LHPP: variants seen among roughly 807,000 people sequenced by gnomAD.
LHPP encodes the protein phospholysine phosphohistidine inorganic pyrophosphate phosphatase.
A neutral mutation model predicts 30.3 loss-of-function variants in LHPP; 24 were observed. That is an observed-to-expected ratio of 0.79 (90% CI 0.57 to 1.11). The LOEUF is 1.11. LHPP is among the 50% of genes most tolerant of loss of function. LHPP has a pLI of 0.00. For missense variants in LHPP, 356 were observed against 367.2 expected (o/e 0.97, Z 0.25); for synonymous variants, 150 against 157.1 (o/e 0.95, Z 0.34).
Position 124,566,764 on chromosome 10 carries a change from G to A in LHPP, c.717-46500G>A, listed in dbSNP as rs578097672. 4.6e-5 allele frequency among the ~76,000 whole-genome samples: 7 copies of A among 152,246 alleles called. No homozygotes were observed. In the South Asian group the frequency reaches 1.5e-3, roughly 32 times the overall value. On this transcript the variant is annotated intron_variant, in intron 6 of 6. Coordinates refer to ENST00000368842, the MANE Select transcript of LHPP (RefSeq NM_022126.4). ...TCGGGGGCACCTGAGACAGAGGGAG[G>A]AGGCTGAGAGTCTGAGGGGGCAGCC... is the stretch of plus-strand genomic sequence containing the variant.
At chr10:124,595,740 C>T (rs929653791) in intron 6 of LHPP, among the ~76,000 whole-genome samples, 24 of 152,136 alleles carry the variant, frequency 1.6e-4, no homozygotes, top group South Asian at 2.1e-4. Flanking sequence ...TGCATCTGTC[C>T]CAGTACAAAT....
chr10:124,461,993 T>C lies in LHPP; in HGVS notation c.125+6T>C. ...TCGGTGGAGGCGGTGGCCAGGTGAG[T>C]GGGCCCCGGGACGCCGCTGGGGCCG... On this transcript the variant is annotated splice_donor_region_variant and intron_variant, in intron 1 of 6. Transcript: ENST00000368842. The C allele has an allele frequency of 1.7e-6, 2 of 1,211,236 alleles. No individual in the cohort carries two copies. The highest frequency in any genetic ancestry group is 4.1e-5 in the South Asian group (1 of 24,136). 75.0% of individuals were successfully genotyped at this position (1,211,236 alleles called of 1,614,324 possible).
chr10:124,505,081 T>G (rs1050987815), intron 5 of LHPP, among the ~76,000 whole-genome samples: 9 of 152,048 alleles, frequency 5.9e-5, no homozygotes, highest in Non-Finnish European at 1.5e-5. Flanking sequence ...ATCATCATCC[T>G]CTCCTACCCT....
intron 6 of LHPP, among the ~76,000 whole-genome samples, chr10:124,609,312 G>A (rs575073802): frequency 9.9e-5 from 15 of 152,122 alleles, no homozygotes; most frequent in South Asian, 8.3e-4. Flanking sequence ...GTGTGATCAC[G>A]GCTCACCACA....
At chr10:124,579,675 C>T (rs11245303) in intron 6 of LHPP, among the ~76,000 whole-genome samples, 13,802 of 152,224 alleles carry the variant, frequency 0.091, 747 homozygotes, top group Admixed American at 0.15. Flanking sequence ...GTTAAATATA[C>T]ATATTTCCAG....
intron 6 of LHPP, among the ~76,000 whole-genome samples, chr10:124,589,531 G>A (rs758938851): frequency 1.3e-5 from 2 of 152,190 alleles, no homozygotes; most frequent in East Asian, 1.9e-4. Context: ...AGGTGGCCAT[G>A]GGGCTCAGCA....
chr10:124,465,858 C>A (rs941005159), intron 1 of LHPP, among the ~76,000 whole-genome samples: 8 of 152,238 alleles, frequency 5.3e-5, no homozygotes, highest in Admixed American at 2.6e-4. Flanking sequence ...CCACTGCGCC[C>A]AGCCTGAGAA....
Position 124,496,091 on chromosome 10 carries a change from A to G in LHPP, c.468-870A>G, listed in dbSNP as rs1299882921. ...GAAACTGATGTGATGGTGGATGGCA[A>G]AACATTTTAGTGGTTCCAAGAATCA... On this transcript the variant is annotated intron_variant, in intron 3 of 6. Coordinates refer to ENST00000368842, the MANE Select transcript of LHPP (RefSeq NM_022126.4). The surrounding 1 kb of genome is among the most constrained non-coding windows in gnomAD (Gnocchi z 4.3). 2.6e-5 allele frequency among the ~76,000 whole-genome samples: 4 copies of G among 152,106 alleles called. No individual in the cohort carries two copies. Among genetic ancestry groups the G allele is most frequent in the African/African-American group, 7.2e-5 (3 of 41,586 alleles).
In LHPP at chr10:124,541,536, A is replaced by G. The variant is rs1455988388; in HGVS notation, c.716+24265A>G. Among the ~76,000 whole-genome samples, 1 of 151,962 alleles carries G rather than the reference A, an allele frequency of 6.6e-6. No homozygotes were observed. The highest frequency in any genetic ancestry group is 1.5e-5 in the Non-Finnish European group (1 of 67,980). On this transcript the variant is annotated intron_variant, in intron 6 of 6. Transcript: ENST00000368842. This position sits in a 1 kb window ranked among gnomAD's most constrained non-coding sequence, Gnocchi z 4.2. ...CACCTGGGCGTTTGGTGTCCCTAGCATATCTCGAATGGCAGGCTGAGGCTC... is the reference window on the plus strand; with the variant it reads ...CACCTGGGCGTTTGGTGTCCCTAGCGTATCTCGAATGGCAGGCTGAGGCTC...
chr10:124,585,045 A>G (rs1362672510), intron 6 of LHPP, among the ~76,000 whole-genome samples: 1 of 152,214 alleles, frequency 6.6e-6, no homozygotes, highest in Non-Finnish European at 1.5e-5. Context: ...CCCATCCCCA[A>G]GATATCTCAT....
intron 6 of LHPP, among the ~76,000 whole-genome samples, chr10:124,524,957 T>C (rs1360472022): frequency 2.0e-5 from 3 of 152,216 alleles, no homozygotes; most frequent in African/African-American, 7.2e-5. Context: ...GCAAACACTC[T>C]AAGGTCAAGA....
At chr10:124,559,132 C>T (rs999960974) in intron 6 of LHPP, among the ~76,000 whole-genome samples, 5 of 152,184 alleles carry the variant, frequency 3.3e-5, no homozygotes, top group African/African-American at 1.2e-4. Context: ...CAATGATGTC[C>T]AGGTAGCAGG....
Position 124,523,236 on chromosome 10 carries a change from C to A in LHPP, c.716+5965C>A, listed in dbSNP as rs1034291664. ...TTGCCCTTCGGAGAGGGAAAGTTTC[C>A]TGGACCGTGATTCCCGACATCCTGC... On this transcript the variant is annotated intron_variant, in intron 6 of 6. Transcript: ENST00000368842. The surrounding 1 kb of genome is among the most constrained non-coding windows in gnomAD (Gnocchi z 4.2). 2.6e-5 allele frequency among the ~76,000 whole-genome samples: 4 copies of A among 152,248 alleles called. No homozygotes were observed. Among genetic ancestry groups the A allele is most frequent in the Non-Finnish European group, 5.9e-5 (4 of 68,042 alleles).
chr10:124,569,608 G>A lies in LHPP; in HGVS notation c.717-43656G>A, dbSNP rs774631990. Among the ~76,000 whole-genome samples, 52 of 152,196 alleles carry A rather than the reference G, an allele frequency of 3.4e-4. 1 individual carries two copies. The highest frequency in any genetic ancestry group is 8.3e-4 in the South Asian group (4 of 4,828). Reference sequence around the variant, plus strand: ...CTCATTCACTCGGCCAGGATTTGCCGAGTGGCTTACTGCACTCTGTGGCCC... The same window carrying A: ...CTCATTCACTCGGCCAGGATTTGCCAAGTGGCTTACTGCACTCTGTGGCCC... On this transcript the variant is annotated intron_variant, in intron 6 of 6. Transcript: ENST00000368842.
rs918351885 is a variant in LHPP at position 124,534,159 on chromosome 10, G to A, written c.716+16888G>A. ...CGTGATAAGTGAGTGTGACGCAGGA[G>A]AGTCTCTCTGCATGGGCCACCCACA... On this transcript the variant is annotated intron_variant, in intron 6 of 6. Coordinates refer to ENST00000368842, the MANE Select transcript of LHPP (RefSeq NM_022126.4). 3.3e-5 allele frequency among the ~76,000 whole-genome samples: 5 copies of A among 152,356 alleles called. No homozygotes were observed. In the South Asian group the frequency reaches 8.3e-4, roughly 25 times the overall value.
At position 124,544,381 on chromosome 10, in the gene LHPP, G is replaced by A. The variant is rs1955280026; in HGVS notation, c.716+27110G>A. ...AGCCTGCCAGCCCAGAGTCCCCAGG[G>A]GTCAGGAGCAGACTGGCAGGGGCCA... On this transcript the variant is annotated intron_variant, in intron 6 of 6. Coordinates refer to ENST00000368842, the MANE Select transcript of LHPP (RefSeq NM_022126.4). Among the ~76,000 whole-genome samples the A allele has an allele frequency of 2.0e-5, 3 of 152,318 alleles. No homozygotes were observed. In the South Asian group the frequency reaches 6.2e-4, roughly 32 times the overall value.
At chr10:124,605,015 A>C (rs995307150) in intron 6 of LHPP, among the ~76,000 whole-genome samples, 6 of 152,198 alleles carry the variant, frequency 3.9e-5, no homozygotes, top group Non-Finnish European at 8.8e-5. Flanking sequence ...AGTGTTCCCC[A>C]GGAGGCGGTG....
intron 6 of LHPP, among the ~76,000 whole-genome samples, chr10:124,538,189 G>GGGTCACCATGCA (rs1564817535): frequency 2.4e-4 from 36 of 149,444 alleles, no homozygotes; most frequent in African/African-American, 8.3e-4. Flanking sequence ...GTCACCATGC[G>GGGTCACCATGCA]GGGTCACCAT....
In LHPP at chr10:124,496,867, G is replaced by A; in HGVS notation, c.468-94G>A. The A allele has an allele frequency of 8.7e-7, 1 of 1,148,472 alleles. No individual in the cohort carries two copies. The highest frequency in any genetic ancestry group is 1.4e-5 in the South Asian group (1 of 70,832). The allele number at this position is 1,148,472 out of a possible 1,614,324, so 71.1% of individuals were successfully genotyped here. A position where few individuals can be genotyped will look rare whatever the true frequency, so the allele number is the denominator to read the frequency against. On this transcript the variant is annotated intron_variant, in intron 3 of 6. Transcript: ENST00000368842. This position sits in a 1 kb window ranked among gnomAD's most constrained non-coding sequence, Gnocchi z 4.3. ...CAGCCGCGGCTTGGCTCTGCAGCCA[G>A]CGGGACAGGCCCGGTGCTCAGCTCC...
Sources: allele counts gnomAD v4.1 joint callset (sites outside exome capture counted in the v4.1 genomes callset), GRCh38; gene constraint gnomAD v4.1.1; non-coding constraint Gnocchi (gnomAD v3.1); transcripts MANE v1.5; gene names NCBI Gene and HGNC (gene_info 2026-07-23, HGNC 2026-07-21).